Variants in ELOVL2 observed in about 807,000 individuals in gnomAD.
The protein encoded by ELOVL2 is ELOVL fatty acid elongase 2.
A neutral mutation model predicts 37.7 loss-of-function variants in ELOVL2; 38 were observed. The observed-to-expected ratio is 1.01, with a 90% CI of 0.78 to 1.32. The LOEUF (loss-of-function observed/expected upper bound fraction) is 1.32. Among genes scored for constraint, ELOVL2 ranks in the 40% most tolerant of loss-of-function variants. The pLI, the probability that ELOVL2 is intolerant of heterozygous loss-of-function variation, is 0.00. For missense variants in ELOVL2, 352 were observed against 363.6 expected (o/e 0.97, Z 0.26); for synonymous variants, 115 against 122.3 (o/e 0.94, Z 0.40).
chr6:11,013,155 C>T (rs539078193), intron 1 of ELOVL2, among the ~76,000 whole-genome samples: 4 of 152,162 alleles, frequency 2.6e-5, no homozygotes, highest in African/African-American at 9.7e-5. Context: ...TCTCTAGTGA[C>T]CTATCTGACA....
chr6:11,004,149 T>C (rs1362583539), intron 3 of ELOVL2, among the ~76,000 whole-genome samples: 1 of 148,524 alleles, frequency 6.7e-6, no homozygotes, highest in African/African-American at 2.6e-5. Context: ...TACTGACTGA[T>C]GCCTAAAATT....
chr6:10,989,796 G>T lies in ELOVL2; in HGVS notation c.672C>A (p.Val224=). 1 of 1,614,146 alleles carries T rather than the reference G, an allele frequency of 6.2e-7. No individual in the cohort carries two copies. Among genetic ancestry groups the T allele is most frequent in the Non-Finnish European group, 8.5e-7 (1 of 1,180,016 alleles). ...VLTITHTMSA[V]VKPCGFPFGC... is the part of the protein sequence containing the mutation. The stretch of plus-strand genomic sequence containing the variant: ...CGAAGGGGAAGCCACACGGTTTCAC[G>T]ACGGCGCTCATGGTGTGCGTGATGG... The change falls in exon 7 of 8, where the codon GTC becomes GTA. Residue 224 remains valine, a synonymous_variant. Coordinates refer to ENST00000354666, the MANE Select transcript of ELOVL2 (RefSeq NM_017770.4).
chr6:10,984,993 G>C (rs1581855242), intron 7 of ELOVL2, among the ~76,000 whole-genome samples: 1 of 152,174 alleles, frequency 6.6e-6, no homozygotes, highest in Non-Finnish European at 1.5e-5. Flanking sequence ...GTGTAAAAGT[G>C]TTCCTATTTC....
intron 1 of ELOVL2, among the ~76,000 whole-genome samples, chr6:11,017,027 C>T (rs1163586034): frequency 6.6e-6 from 1 of 152,096 alleles, no homozygotes; most frequent in Non-Finnish European, 1.5e-5. Flanking sequence ...ATGGGTAGAA[C>T]AATCTTTTAT....
intron 1 of ELOVL2, among the ~76,000 whole-genome samples, chr6:11,038,348 G>T (rs1783046984): frequency 1.3e-5 from 2 of 152,204 alleles, no homozygotes; most frequent in South Asian, 4.1e-4. Flanking sequence ...ATTCAGCATG[G>T]TGTGCGCCTG....
intron 4 of ELOVL2, among the ~76,000 whole-genome samples, chr6:10,996,878 C>T (rs570150271): frequency 7.9e-5 from 12 of 151,084 alleles, no homozygotes; most frequent in South Asian, 2.1e-4. Flanking sequence ...GGTGTGGTGG[C>T]GGGTGCCTGT....
intron 3 of ELOVL2, among the ~76,000 whole-genome samples, chr6:11,004,017 A>C (rs6920117): frequency 0.013 from 2,043 of 151,550 alleles, 51 homozygotes; most frequent in African/African-American, 0.045. Context: ...CAGGAGGTGG[A>C]GGTTGCAGTG....
intron 4 of ELOVL2, among the ~76,000 whole-genome samples, chr6:10,997,702 G>A (rs1176663122): frequency 3.3e-5 from 5 of 152,154 alleles, no homozygotes; most frequent in Admixed American, 2.6e-4. Flanking sequence ...AGACTCAGGT[G>A]TAATGTTTTT....
rs566755715 is a variant in ELOVL2 at position 10,992,605 on chromosome 6, A to G, written c.506-2163T>C. Among the ~76,000 whole-genome samples the G allele has an allele frequency of 5.9e-5, 9 of 152,064 alleles. No individual in the cohort carries two copies. The East Asian group carries it at 1.7e-3, about 29-fold the overall frequency. On this transcript the variant is annotated intron_variant, in intron 5 of 7. Transcript: ENST00000354666. ...AGAGATCAAGACCATCCTGGCCAACATGATGAAACCCCGTCTCTATTAAAA... is the reference window on the plus strand; with the variant it reads ...AGAGATCAAGACCATCCTGGCCAACGTGATGAAACCCCGTCTCTATTAAAA...
At chr6:11,017,618 A>C (rs1229637161) in intron 1 of ELOVL2, among the ~76,000 whole-genome samples, 1 of 152,166 alleles carries the variant, frequency 6.6e-6, no homozygotes, top group Non-Finnish European at 1.5e-5. Flanking sequence ...TTTTATTCAG[A>C]GTCTGGCCAA....
chr6:10,992,481 G>T, intron 5 of ELOVL2, among the ~76,000 whole-genome samples: 1 of 152,226 alleles, frequency 6.6e-6, no homozygotes, highest in East Asian at 1.9e-4. Context: ...AGTGAGAATT[G>T]TCATCAACTC....
chr6:11,032,962 T>G (rs1782954017), intron 1 of ELOVL2, among the ~76,000 whole-genome samples: 1 of 152,196 alleles, frequency 6.6e-6, no homozygotes. Flanking sequence ...TGTAATTATT[T>G]TATTTGAAAT....
At chr6:11,024,777 A>C (rs1324893586) in intron 1 of ELOVL2, among the ~76,000 whole-genome samples, 2 of 152,360 alleles carry the variant, frequency 1.3e-5, no homozygotes, top group East Asian at 3.9e-4. Context: ...AAAAAGTACA[A>C]ATTTCTCAAA....
In ELOVL2 at chr6:10,995,166, G is replaced by T; in HGVS notation, c.346C>A (p.Leu116Ile). 1 of 1,607,102 alleles carries T rather than the reference G, an allele frequency of 6.2e-7. No individual in the cohort carries two copies. Among genetic ancestry groups the T allele is most frequent in the Non-Finnish European group, 8.5e-7 (1 of 1,176,676 alleles). ...GEADIRVAKV[L>I]WWYYFSKSVE... Reference sequence around the variant, plus strand: ...GATTTGGAGAAATAGTACCACCAAAGCACCTTGGCTACCTATAGAAATTTG... The same window carrying T: ...GATTTGGAGAAATAGTACCACCAAATCACCTTGGCTACCTATAGAAATTTG... Residue 116 changes from leucine (L) to isoleucine (I), a missense_variant, in exon 5 of 8, where the codon CTT becomes ATT. Leu to Ile is a conservative substitution (Grantham distance 5). Coordinates refer to ENST00000354666, the MANE Select transcript of ELOVL2 (RefSeq NM_017770.4).
intron 4 of ELOVL2, among the ~76,000 whole-genome samples, chr6:10,998,688 C>T (rs980242221): frequency 6.6e-6 from 1 of 152,048 alleles, no homozygotes; most frequent in Non-Finnish European, 1.5e-5. Context: ...TCATAGATAT[C>T]CTGGGTTCAT....
chr6:10,999,981 TTTCTTATCTAATTC>T lies in ELOVL2; in HGVS notation c.333+92_333+105del, dbSNP rs539790271. ...GCATTTCTATTAGAACAGGAACCCCTTTCTTATCTAATTCTAGCCTCAGCCCTCTATCTGGAAGG... is the reference window on the plus strand; with the variant it reads ...GCATTTCTATTAGAACAGGAACCCCTTAGCCTCAGCCCTCTATCTGGAAGG... On this transcript the variant is annotated intron_variant, in intron 4 of 7. Transcript: ENST00000354666. The T allele has an allele frequency of 4.5e-4, 440 of 980,366 alleles. 4 individuals are homozygous for T. In the African/African-American group the frequency reaches 4.5e-3, roughly 10 times the overall value. 60.7% of individuals were successfully genotyped at this position (980,366 alleles called of 1,614,324 possible).
At chr6:11,025,852 C>T (rs536436036) in intron 1 of ELOVL2, among the ~76,000 whole-genome samples, 1 of 152,232 alleles carries the variant, frequency 6.6e-6, no homozygotes, top group East Asian at 1.9e-4. Flanking sequence ...AATAATTTTT[C>T]TTTTTAGATA....
rs375561773 is a variant in ELOVL2, at chr6:10,990,646, C to G, written c.506-204G>C. Among the ~76,000 whole-genome samples, 4 of 144,372 alleles carry G rather than the reference C, an allele frequency of 2.8e-5. No individual in the cohort carries two copies. The East Asian group carries it at 8.6e-4, about 31-fold the overall frequency. 94.7% of individuals were successfully genotyped at this position (144,372 alleles called of 152,430 possible). A position where few individuals can be genotyped will look rare whatever the true frequency, so the allele number is the denominator to read the frequency against. The stretch of plus-strand genomic sequence containing the variant: ...AAAAACTCCATGATAGAAGGAGTAG[C>G]CTGGGATGGTTTTTCAGAATGCCCC... On this transcript the variant is annotated intron_variant, in intron 5 of 7. Transcript: ENST00000354666.
chr6:11,020,470 C>T (rs972128171), intron 1 of ELOVL2, among the ~76,000 whole-genome samples: 4 of 152,088 alleles, frequency 2.6e-5, no homozygotes, highest in African/African-American at 7.2e-5. Flanking sequence ...TACCAGAATC[C>T]GACTATCTTC....
Sources: allele counts gnomAD v4.1 joint callset (sites outside exome capture counted in the v4.1 genomes callset), GRCh38; gene constraint gnomAD v4.1.1; transcripts MANE v1.5; gene names NCBI Gene and HGNC (gene_info 2026-07-23, HGNC 2026-07-21).